The following PTPRD variants were observed in gnomAD, a reference collection of about 807,000 sequenced individuals.
PTPRD encodes protein tyrosine phosphatase receptor type D.
In PTPRD, 34 loss-of-function variants were observed where a neutral mutation model predicts 214.5. The ratio of observed to expected loss-of-function variants is 0.16; its 90% confidence interval spans 0.12 to 0.21. The LOEUF is 0.21. Among genes scored for constraint, PTPRD ranks in the 10% least tolerant of loss-of-function variants. PTPRD has a pLI of 1.00. For synonymous variants in PTPRD, 1,128 were observed against 845.7 expected, an observed-to-expected ratio of 1.33 and a Z score of -5.79; for missense variants, 2,545 against 2,398.7, an observed-to-expected ratio of 1.06 and a Z score of -1.27.
chr9:9,088,444 G>A (rs930468585), intron 10 of PTPRD, among the ~76,000 whole-genome samples: 1 of 151,298 alleles, frequency 6.6e-6, no homozygotes, highest in Non-Finnish European at 1.5e-5. Flanking sequence ...GCTGGGCATG[G>A]TGGCAGGCAC....
chr9:9,745,068 T>G (rs1474749507), intron 6 of PTPRD, among the ~76,000 whole-genome samples: 2 of 152,084 alleles, frequency 1.3e-5, no homozygotes, highest in Non-Finnish European at 2.9e-5. Context: ...AAAAGTGGAC[T>G]GATAAAATAC....
intron 2 of PTPRD, among the ~76,000 whole-genome samples, chr9:10,526,687 G>A (rs1450117775): frequency 6.6e-6 from 1 of 152,004 alleles, no homozygotes; most frequent in Admixed American, 6.6e-5. Context: ...ACATAAAAGA[G>A]TTACCCAAAT....
intron 3 of PTPRD, among the ~76,000 whole-genome samples, chr9:10,045,044 C>T (rs930236543): frequency 1.3e-5 from 2 of 151,630 alleles, no homozygotes; most frequent in African/African-American, 4.8e-5. Flanking sequence ...AGAAATTGCT[C>T]ACTATGTATT....
chr9:9,581,729 G>T lies in PTPRD; in HGVS notation c.-286-6948C>A, dbSNP rs2090835124. Among the ~76,000 whole-genome samples the T allele has an allele frequency of 2.0e-5, 3 of 152,090 alleles. No homozygotes were observed. The South Asian group carries it at 6.2e-4, about 31-fold the overall frequency. Reference sequence around the variant, plus strand: ...TGCCTAACTTATTTCTTACAAAAAAGATCTTAAATCTTGGGAAAGTTGGAA... The same window carrying T: ...TGCCTAACTTATTTCTTACAAAAAATATCTTAAATCTTGGGAAAGTTGGAA... On this transcript the variant is annotated intron_variant, in intron 7 of 45. Coordinates refer to ENST00000381196, the MANE Select transcript of PTPRD (RefSeq NM_002839.4).
At chr9:9,294,051 C>A (rs1281155106) in intron 9 of PTPRD, among the ~76,000 whole-genome samples, 1 of 151,488 alleles carries the variant, frequency 6.6e-6, no homozygotes, top group Non-Finnish European at 1.5e-5. Context: ...CACAGTTGAC[C>A]TGATAACTAA....
intron 14 of PTPRD, among the ~76,000 whole-genome samples, chr9:8,610,347 T>C (rs2095402882): frequency 6.6e-6 from 1 of 152,186 alleles, no homozygotes. Flanking sequence ...AATTTCAGTA[T>C]TCAGAGGAAA....
chr9:8,806,117 G>A (rs2096673793), intron 11 of PTPRD, among the ~76,000 whole-genome samples: 2 of 151,796 alleles, frequency 1.3e-5, no homozygotes, highest in South Asian at 2.1e-4. Flanking sequence ...TAGAGACGGG[G>A]TTTCATCATG....
intron 10 of PTPRD, among the ~76,000 whole-genome samples, chr9:9,051,570 C>T (rs1241513489): frequency 6.6e-6 from 1 of 152,202 alleles, no homozygotes; most frequent in East Asian, 1.9e-4. Flanking sequence ...ACAGCAATTT[C>T]AGGAAAAACT....
At chr9:9,620,887 A>AG (rs1399487026) in intron 7 of PTPRD, among the ~76,000 whole-genome samples, 2 of 151,806 alleles carry the variant, frequency 1.3e-5, no homozygotes, top group Non-Finnish European at 2.9e-5. Flanking sequence ...AAAAGAGCAA[A>AG]GCATTAGTAG....
intron 9 of PTPRD, among the ~76,000 whole-genome samples, chr9:9,293,408 GTTTC>G (rs1311911694): frequency 8.1e-6 from 1 of 124,032 alleles, no homozygotes; most frequent in East Asian, 2.3e-4. Flanking sequence ...TTTGCATTTT[GTTTC>G]TTTTATGTCC....
intron 10 of PTPRD, among the ~76,000 whole-genome samples, chr9:9,063,932 A>G (rs560457144): frequency 6.6e-6 from 1 of 152,282 alleles, no homozygotes; most frequent in South Asian, 2.1e-4. Flanking sequence ...TTTATATGAC[A>G]TGGCATTAAT....
intron 9 of PTPRD, among the ~76,000 whole-genome samples, chr9:9,217,356 A>G (rs1451175042): frequency 1.3e-5 from 2 of 152,224 alleles, no homozygotes; most frequent in Non-Finnish European, 2.9e-5. Context: ...CTACAAATAC[A>G]TAAAATAAGA....
At position 8,955,870 on chromosome 9, in the gene PTPRD, TACATATAGC is replaced by T. The variant is rs1588828828; in HGVS notation, c.-104+62818_-104+62826del. Among the ~76,000 whole-genome samples, 3 of 152,034 alleles carry T rather than the reference TACATATAGC, an allele frequency of 2.0e-5. No homozygotes were observed. The East Asian group carries it at 5.8e-4, about 29-fold the overall frequency. On this transcript the variant is annotated intron_variant, in intron 11 of 45. Transcript: ENST00000381196. ...AGAAAAGAAACTCATGCGTTCGACCTACATATAGCATTCATTTGCATATCCATGCATATA... is the reference window on the plus strand; with the variant it reads ...AGAAAAGAAACTCATGCGTTCGACCTATTCATTTGCATATCCATGCATATA...
chr9:10,352,411 C>T (rs1308139462), intron 2 of PTPRD, among the ~76,000 whole-genome samples: 2 of 151,934 alleles, frequency 1.3e-5, no homozygotes, highest in African/African-American at 4.8e-5. Context: ...CTTCTTCCAT[C>T]CTCTCTAACA....
intron 3 of PTPRD, among the ~76,000 whole-genome samples, chr9:10,043,041 A>T (rs1423381546): frequency 6.6e-6 from 1 of 151,742 alleles, no homozygotes; most frequent in Non-Finnish European, 1.5e-5. Flanking sequence ...GTAGTCATTC[A>T]TTGGATATTT....
chr9:10,099,209 T>A (rs1470547976), intron 3 of PTPRD, among the ~76,000 whole-genome samples: 1 of 151,710 alleles, frequency 6.6e-6, no homozygotes, highest in Non-Finnish European at 1.5e-5. Context: ...GGGTCTAAAA[T>A]CAGACTTCAT....
At chr9:10,099,014 T>C (rs1317182481) in intron 3 of PTPRD, among the ~76,000 whole-genome samples, 1 of 151,808 alleles carries the variant, frequency 6.6e-6, no homozygotes, top group Non-Finnish European at 1.5e-5. Context: ...GACAATATCA[T>C]CTTTTGGAAC....
chr9:9,572,325 T>A (rs2086694746), intron 8 of PTPRD, among the ~76,000 whole-genome samples: 1 of 151,336 alleles, frequency 6.6e-6, no homozygotes, highest in African/African-American at 2.4e-5. Flanking sequence ...TATGGTTAGT[T>A]TTGAGAAAGT....
At chr9:9,482,193 C>A (rs918999364) in intron 8 of PTPRD, among the ~76,000 whole-genome samples, 27 of 152,020 alleles carry the variant, frequency 1.8e-4, no homozygotes, top group African/African-American at 6.5e-4. Flanking sequence ...TTTTAATAGA[C>A]ACAAAATTTT....
Sources: allele counts gnomAD v4.1 joint callset (sites outside exome capture counted in the v4.1 genomes callset), GRCh38; gene constraint gnomAD v4.1.1; transcripts MANE v1.5; gene names NCBI Gene and HGNC (gene_info 2026-07-23, HGNC 2026-07-21).